The following CCDC102B variants were observed in gnomAD, a reference collection of about 807,000 sequenced individuals.
The protein encoded by CCDC102B is coiled-coil domain-containing protein 102B.
In CCDC102B, 75 loss-of-function variants were observed where a neutral mutation model predicts 57.4. The ratio of observed to expected loss-of-function variants is 1.31; its 90% CI spans 1.08 to 1.58. The LOEUF (loss-of-function observed/expected upper bound fraction) is 1.58, where lower values mean the gene tolerates loss of function less well. CCDC102B is among the 40% of genes most tolerant of loss of function. The probability of loss-of-function intolerance (pLI) is 0.00; values close to 1 mark genes in which losing one functional copy is unlikely to be tolerated. For synonymous variants in CCDC102B, 206 were observed against 201.9 expected (o/e 1.02, Z -0.17); for missense variants, 636 against 582.6 (o/e 1.09, Z -0.94).
At chr18:68,751,068 T>C (rs1007290382) in intron 2 of CCDC102B, among the ~76,000 whole-genome samples, 1 of 152,060 alleles carries the variant, frequency 6.6e-6, no homozygotes, top group Non-Finnish European at 1.5e-5. Flanking sequence ...TCTATCATGC[T>C]GCACAGAGAG....
chr18:68,930,389 T>C (rs1195646067), intron 6 of CCDC102B, among the ~76,000 whole-genome samples: 2 of 151,802 alleles, frequency 1.3e-5, no homozygotes, highest in Non-Finnish European at 2.9e-5. Flanking sequence ...AATGACTTAA[T>C]ACTTTAATAT....
At chr18:68,898,666 A>T (rs1156897480) in intron 6 of CCDC102B, among the ~76,000 whole-genome samples, 1 of 152,108 alleles carries the variant, frequency 6.6e-6, no homozygotes, top group Non-Finnish European at 1.5e-5. Context: ...TCTCTGTGTC[A>T]GTCACTGTTC....
intron 5 of CCDC102B, chr18:68,875,073 C>T (rs1252668955): frequency 1.0e-5 from 2 of 191,290 alleles, no homozygotes; most frequent in Non-Finnish European, 2.2e-5. Flanking sequence ...AAAGTTCAAC[C>T]AGCTGCTGGA....
rs1485597673 is a variant in CCDC102B at position 68,956,428 on chromosome 18, T to C, written c.1264-54506T>C. On this transcript the variant is annotated intron_variant, in intron 6 of 7. Coordinates refer to ENST00000360242, the MANE Select transcript of CCDC102B (RefSeq NM_024781.3). ...TATTTTATATATATTATATATATTA[T>C]ACATTTTATATATATTATATATATT... Among the ~76,000 whole-genome samples, 206 of 47,906 alleles carry C rather than the reference T, an allele frequency of 4.3e-3. 14 individuals carry two copies. The highest frequency in any genetic ancestry group is 0.028 in the African/African-American group (202 of 7,200). The allele number at this position is 47,906 out of a possible 152,430, so 31.4% of individuals were successfully genotyped here.
At chr18:68,749,291 C>A (rs567103447) in intron 2 of CCDC102B, among the ~76,000 whole-genome samples, 2,210 of 151,892 alleles carry the variant, frequency 0.015, 56 homozygotes, top group African/African-American at 0.05. Context: ...ACTTTAAAGT[C>A]GTTTTTTCCA....
intron 2 of CCDC102B, among the ~76,000 whole-genome samples, chr18:68,729,133 T>C (rs1278223955): frequency 2.6e-5 from 4 of 152,166 alleles, no homozygotes; most frequent in Non-Finnish European, 5.9e-5. Context: ...AATAAAATGC[T>C]GCATTATAAT....
intron 6 of CCDC102B, among the ~76,000 whole-genome samples, chr18:68,961,132 G>A (rs1411323749): frequency 6.6e-6 from 1 of 151,906 alleles, no homozygotes; most frequent in Non-Finnish European, 1.5e-5. Context: ...AGTTTTTATT[G>A]AAATGAAAAA....
chr18:68,777,351 A>G (rs2034857336), intron 2 of CCDC102B, among the ~76,000 whole-genome samples: 1 of 152,138 alleles, frequency 6.6e-6, no homozygotes, highest in Non-Finnish European at 1.5e-5. Context: ...GGAGTCCCAC[A>G]TTGTCAGTTT....
intron 6 of CCDC102B, among the ~76,000 whole-genome samples, chr18:68,985,289 C>T (rs907562702): frequency 4.6e-5 from 7 of 152,088 alleles, no homozygotes; most frequent in Non-Finnish European, 5.9e-5. Context: ...TTCATATTTT[C>T]AGTTTAATAT....
chr18:69,010,761 A>T (rs1433231424), intron 6 of CCDC102B, among the ~76,000 whole-genome samples, 173 bp from the exon 7 acceptor site: 1 of 152,222 alleles, frequency 6.6e-6, no homozygotes, highest in African/African-American at 2.4e-5. Context: ...TTTCATTTAT[A>T]GTCATATACT....
In CCDC102B at chr18:68,838,693, G is replaced by GTTTTT; in HGVS notation, c.607-9_607-8insTTTTT. On this transcript the variant is annotated splice_polypyrimidine_tract_variant and intron_variant, in intron 2 of 7. Transcript: ENST00000360242. ...AGGAGGTTTAAATATGTTTTGTTTT[G>GTTTTT]TTTTGTCTTCAGGAACAAGGTGTGG... The GTTTTT allele has an allele frequency of 6.2e-7, 1 of 1,610,038 alleles. No individual in the cohort carries two copies. The highest frequency in any genetic ancestry group is 8.5e-7 in the Non-Finnish European group (1 of 1,177,974).
At chr18:68,730,376 C>T (rs923662940) in intron 2 of CCDC102B, among the ~76,000 whole-genome samples, 1 of 152,082 alleles carries the variant, frequency 6.6e-6, no homozygotes, top group African/African-American at 2.4e-5. Flanking sequence ...TTATGAAAGT[C>T]AATTAATATT....
intron 7 of CCDC102B, among the ~76,000 whole-genome samples, chr18:69,052,706 G>A (rs7505444): frequency 0.9 from 135,988 of 151,856 alleles, 62,812 homozygotes; most frequent in East Asian, 1. Context: ...CGTGCGGTGC[G>A]TTGCTATATA....
At chr18:68,932,700 A>C (rs2041716505) in intron 6 of CCDC102B, among the ~76,000 whole-genome samples, 1 of 151,948 alleles carries the variant, frequency 6.6e-6, no homozygotes, top group Non-Finnish European at 1.5e-5. Flanking sequence ...AAACACCGTT[A>C]TGACAGTCAA....
intron 2 of CCDC102B, among the ~76,000 whole-genome samples, chr18:68,790,898 T>C (rs1164347313): frequency 1.3e-5 from 2 of 152,234 alleles, no homozygotes; most frequent in East Asian, 1.9e-4. Context: ...CTGCAATTTA[T>C]GGCCAAAAAT....
intron 4 of CCDC102B, among the ~76,000 whole-genome samples, chr18:68,854,479 A>G (rs149252595): frequency 0.016 from 2,368 of 152,300 alleles, 26 homozygotes; most frequent in Middle Eastern, 0.024. Context: ...TAAATAAGGT[A>G]TACATATCCT....
chr18:68,917,741 C>G (rs2041126514), intron 6 of CCDC102B, among the ~76,000 whole-genome samples: 1 of 152,084 alleles, frequency 6.6e-6, no homozygotes, highest in Non-Finnish European at 1.5e-5. Context: ...TTAGCATCAT[C>G]TGAAAATTAC....
chr18:68,852,800 T>C (rs1376289270), intron 4 of CCDC102B, among the ~76,000 whole-genome samples: 1 of 152,182 alleles, frequency 6.6e-6, no homozygotes, highest in Non-Finnish European at 1.5e-5. Flanking sequence ...TTATTTTTAA[T>C]TTTGTTTTTG....
intron 1 of CCDC102B, among the ~76,000 whole-genome samples, chr18:68,829,530 A>G (rs1479062710): frequency 2.0e-5 from 3 of 152,072 alleles, no homozygotes; most frequent in Non-Finnish European, 4.4e-5. Flanking sequence ...TAAATAGGAC[A>G]ATCTTTGATC....
Sources: allele counts gnomAD v4.1 joint callset (sites outside exome capture counted in the v4.1 genomes callset), GRCh38; gene constraint gnomAD v4.1.1; transcripts MANE v1.5; gene names NCBI Gene and HGNC (gene_info 2026-07-23, HGNC 2026-07-21).